The following CAPN13 variants were observed in gnomAD, a reference collection of about 807,000 sequenced individuals.
The protein encoded by CAPN13 is calpain 13.
In CAPN13, 90 loss-of-function variants were observed where a neutral mutation model predicts 98.4. That is an observed-to-expected ratio of 0.92 (90% CI 0.77 to 1.09). CAPN13 has a LOEUF of 1.09. Among genes scored for constraint, CAPN13 ranks in the 50% least tolerant of loss-of-function variants. The probability of loss-of-function intolerance (pLI) is 0.00; values close to 1 mark genes in which losing one functional copy is unlikely to be tolerated. For synonymous variants in CAPN13, 330 were observed against 305.5 expected (o/e 1.08, Z -0.84); for missense variants, 887 against 841.3 (o/e 1.05, Z -0.67).
chr2:30,793,327 A>C (rs73924861), intron 1 of CAPN13, among the ~76,000 whole-genome samples: 21,028 of 151,534 alleles, frequency 0.14, 1,552 homozygotes, highest in Non-Finnish European at 0.16. Context: ...GCAACAAAAA[A>C]TAGGAGAATA....
At chr2:30,778,813 G>A (rs1417961275) in intron 2 of CAPN13, among the ~76,000 whole-genome samples, 1 of 152,164 alleles carries the variant, frequency 6.6e-6, no homozygotes, top group African/African-American at 2.4e-5. Context: ...GGAACTCTCA[G>A]GCCCAGGCCC....
chr2:30,743,221 G>C (rs545387006), intron 13 of CAPN13, 162 bp downstream of exon 13: 3 of 680,632 alleles, frequency 4.4e-6, no homozygotes, highest in Non-Finnish European at 7.7e-6. Flanking sequence ...AGACTTTCTC[G>C]CTCCCCCTTT....
chr2:30,784,874 C>A (rs900373439), intron 2 of CAPN13, among the ~76,000 whole-genome samples: 1 of 152,172 alleles, frequency 6.6e-6, no homozygotes, highest in African/African-American at 2.4e-5. Flanking sequence ...TAAAGCCAGG[C>A]CTGCCATGTG....
At chr2:30,770,629 T>C (rs1192501470) in intron 4 of CAPN13, among the ~76,000 whole-genome samples, 180 bp from the exon 5 acceptor site, 2 of 152,196 alleles carry the variant, frequency 1.3e-5, no homozygotes, top group Non-Finnish European at 2.9e-5. Flanking sequence ...AACCGGCAGA[T>C]GGAGAAAATG....
At chr2:30,754,851 C>T (rs750616961) in intron 8 of CAPN13, among the ~76,000 whole-genome samples, 24 of 152,196 alleles carry the variant, frequency 1.6e-4, no homozygotes, top group Non-Finnish European at 2.8e-4. Context: ...TGGATATCCA[C>T]CTGGTCTCCC....
chr2:30,801,666 G>C (rs1675288391), intron 1 of CAPN13, among the ~76,000 whole-genome samples: 1 of 150,792 alleles, frequency 6.6e-6, no homozygotes, highest in African/African-American at 2.4e-5. Context: ...AAATGGATGA[G>C]GCAGAGGCCA....
At chr2:30,788,003 A>T (rs1346022475) in intron 1 of CAPN13, among the ~76,000 whole-genome samples, 1 of 152,132 alleles carries the variant, frequency 6.6e-6, no homozygotes, top group Admixed American at 6.5e-5. Context: ...CACAGGAGAG[A>T]CAGTGGTAGA....
chr2:30,785,150 G>T (rs1432946205), intron 2 of CAPN13, among the ~76,000 whole-genome samples: 3 of 152,150 alleles, frequency 2.0e-5, no homozygotes, highest in Non-Finnish European at 4.4e-5. Flanking sequence ...TCATGTACTT[G>T]TTCATCCAAA....
intron 20 of CAPN13, 79 bp downstream of exon 20, chr2:30,732,358 TG>T: frequency 1.3e-6 from 2 of 1,565,538 alleles, no homozygotes; most frequent in Middle Eastern, 2.2e-4. Context: ...AGACCTGGGG[TG>T]GGGTAGGGGG....
intron 22 of CAPN13, among the ~76,000 whole-genome samples, chr2:30,726,634 A>C (rs948496516): frequency 6.6e-6 from 1 of 152,156 alleles, no homozygotes; most frequent in East Asian, 1.9e-4. Context: ...TGCATCCCAA[A>C]CTACAATAGT....
At chr2:30,776,622 G>A (rs564875535) in intron 3 of CAPN13, among the ~76,000 whole-genome samples, 2 of 152,156 alleles carry the variant, frequency 1.3e-5, no homozygotes, top group Admixed American at 6.5e-5. Context: ...AGCTCAGCCC[G>A]TCCCTGTGCA....
chr2:30,729,000 A>G (rs1394137235), intron 22 of CAPN13, among the ~76,000 whole-genome samples: 3 of 152,172 alleles, frequency 2.0e-5, no homozygotes, highest in Admixed American at 6.5e-5. Flanking sequence ...AAAGATACAC[A>G]TTTTTAAATG....
intron 8 of CAPN13, among the ~76,000 whole-genome samples, chr2:30,756,914 T>C (rs1300044047): frequency 6.6e-6 from 1 of 152,138 alleles, no homozygotes; most frequent in Admixed American, 6.5e-5. Context: ...ATCCCAATCA[T>C]ACTTTCATCC....
At chr2:30,761,684 GCT>G (rs566835952) in intron 7 of CAPN13, among the ~76,000 whole-genome samples, 1 of 152,232 alleles carries the variant, frequency 6.6e-6, no homozygotes, top group South Asian at 2.1e-4. Context: ...ATTGATAACA[GCT>G]CTCTTTCCAT....
intron 2 of CAPN13, among the ~76,000 whole-genome samples, chr2:30,781,500 C>T (rs72783042): frequency 0.035 from 5,293 of 152,274 alleles, 129 homozygotes; most frequent in Admixed American, 0.072. Flanking sequence ...TTTAGCAAAG[C>T]AGATTCCCTT....
rs12478380 is a variant in CAPN13 at position 30,781,758 on chromosome 2, C to T, written c.199-4119G>A. 6.4e-3 allele frequency among the ~76,000 whole-genome samples: 970 copies of T among 152,194 alleles called. 27 individuals carry two copies. The highest frequency in any genetic ancestry group is 0.057 in the Admixed American group (870 of 15,284). ...TGTGGGACTTCTCATCCTCTATAAGCATGTGAGCCAATCCCTCCTAGTAAA... is the reference window on the plus strand; with the variant it reads ...TGTGGGACTTCTCATCCTCTATAAGTATGTGAGCCAATCCCTCCTAGTAAA... On this transcript the variant is annotated intron_variant, in intron 2 of 22. Transcript: ENST00000295055.
chr2:30,802,448 AATGTGTGTGTGTGT>A (rs1675333695), intron 1 of CAPN13, among the ~76,000 whole-genome samples: 1 of 138,150 alleles, frequency 7.2e-6, no homozygotes, highest in Non-Finnish European at 1.6e-5. Flanking sequence ...AGGAGCTTAG[AATGTGTGTGTGTGT>A]ATGTGTGTGT....
At chr2:30,736,294 T>A (rs979507665) in intron 18 of CAPN13, among the ~76,000 whole-genome samples, 3 of 152,186 alleles carry the variant, frequency 2.0e-5, no homozygotes, top group African/African-American at 2.4e-5. Flanking sequence ...CTCCAACGCA[T>A]CCCTCATTCC....
intron 2 of CAPN13, among the ~76,000 whole-genome samples, chr2:30,781,236 C>A (rs1673969246): frequency 6.6e-6 from 1 of 152,188 alleles, no homozygotes; most frequent in Non-Finnish European, 1.5e-5. Context: ...AGGTGTCTGC[C>A]TCCATAGTGT....
Sources: allele counts gnomAD v4.1 joint callset (sites outside exome capture counted in the v4.1 genomes callset), GRCh38; gene constraint gnomAD v4.1.1; transcripts MANE v1.5; gene names NCBI Gene and HGNC (gene_info 2026-07-23, HGNC 2026-07-21).